KMT5C: variants seen among roughly 807,000 people sequenced by gnomAD.
KMT5C encodes lysine methyltransferase 5C.
In KMT5C, 16 loss-of-function variants were observed where a neutral mutation model predicts 38.2. The observed-to-expected ratio is 0.42, with a 90% CI of 0.28 to 0.64. The LOEUF (loss-of-function observed/expected upper bound fraction) is 0.64. Ranked by LOEUF, KMT5C falls within the 30% of genes least tolerant of loss-of-function variation. The probability of loss-of-function intolerance (pLI) is 0.23; values close to 1 mark genes in which losing one functional copy is unlikely to be tolerated. For missense variants in KMT5C, 598 were observed against 665.1 expected, an observed-to-expected ratio of 0.90 and a Z score of 1.11; for synonymous variants, 291 against 279.0, an observed-to-expected ratio of 1.04 and a Z score of -0.43.
chr19:55,342,013 A>G lies in KMT5C; in HGVS notation c.77A>G (p.Tyr26Cys). The G allele has an allele frequency of 6.2e-7, 1 of 1,613,554 alleles. No homozygotes were observed. Among genetic ancestry groups the G allele is most frequent in the Non-Finnish European group, 8.5e-7 (1 of 1,179,844 alleles). ...DLATSLVLDP[Y>C]LGFRTHKMNV... ...GCCACCAGCCTCGTCCTGGACCCCT[A>G]CCTCGGTTTCCGCACCCATAAGATG... Residue 26 changes from tyrosine to cysteine, a missense_variant, in exon 2 of 9, where the codon TAC (tyrosine) becomes TGC (cysteine). Transcript: ENST00000255613.
intron 6 of KMT5C, chr19:55,344,615 G>C: frequency 2.1e-6 from 1 of 477,128 alleles, no homozygotes; most frequent in South Asian, 1.5e-5. Context: ...AGGGAGGCAG[G>C]GCCCTGTGGT....
chr19:55,341,991 A>T lies in KMT5C; in HGVS notation c.55A>T (p.Thr19Ser). ...ACTGTGCGAGAACGACGACCTGGCC[A>T]CCAGCCTCGTCCTGGACCCCTACCT... Reference protein sequence around the residue: ...RELCENDDLATSLVLDPYLGF... With the variant: ...RELCENDDLASSLVLDPYLGF... The change falls in exon 2 of 9, where the codon ACC (threonine) becomes TCC (serine). Residue 19 changes from threonine (T) to serine (S), a missense_variant. By Grantham distance (58) the Thr-to-Ser change is moderately conservative. This residue lies in a region of KMT5C where 167 missense variants were observed against 187.8 expected (regional missense o/e 0.89). Transcript: ENST00000255613. The T allele has an allele frequency of 6.2e-7, 1 of 1,613,734 alleles. No homozygotes were observed. The highest frequency in any genetic ancestry group is 8.5e-7 in the Non-Finnish European group (1 of 1,179,964).
Position 55,347,599 on chromosome 19 carries a change from C to T in KMT5C, c.*150C>T, listed in dbSNP as rs542963439. On this transcript the variant is annotated 3_prime_UTR_variant, in exon 9 of 9. Coordinates refer to ENST00000255613, the MANE Select transcript of KMT5C (RefSeq NM_032701.4). The surrounding 1 kb of genome is among the most constrained non-coding windows in gnomAD (Gnocchi z 4.6). ...CCTGGAATGGGGTTGGTTTGGACAC[C>T]CCCAGGGATCTGAGCCCTGACCCTT... 3 of 1,293,020 alleles carry T rather than the reference C, an allele frequency of 2.3e-6. No homozygotes were observed. Among genetic ancestry groups the T allele is most frequent in the African/African-American group, 1.5e-5 (1 of 65,292 alleles). 80.1% of individuals were successfully genotyped at this position (1,293,020 alleles called of 1,614,324 possible). A position where few individuals can be genotyped will look rare whatever the true frequency, so the allele number is the denominator to read the frequency against.
rs768260344 is a variant in KMT5C, at chr19:55,342,723, C to CCACCCT, written c.277-8_277-3dup. 179 of 1,444,556 alleles carry CCACCCT rather than the reference C, an allele frequency of 1.2e-4. 1 individual carries two copies. The African/African-American group carries it at 2.3e-3, about 19-fold the overall frequency. The allele number at this position is 1,444,556 out of a possible 1,614,324, so 89.5% of individuals were successfully genotyped here. On this transcript the variant is annotated intron_variant, in intron 3 of 8. Coordinates refer to ENST00000255613, the MANE Select transcript of KMT5C (RefSeq NM_032701.4). ...ATGCCCCTGCCCCGCCTCCTCACCCCCACCCTCACCCTCACCAGGTCTATC... is the reference window on the plus strand; with the variant it reads ...ATGCCCCTGCCCCGCCTCCTCACCCCCACCCTCACCCTCACCCTCACCAGGTCTATC...
chr19:55,345,271 C>T, intron 6 of KMT5C: 1 of 355,862 alleles, frequency 2.8e-6, no homozygotes, highest in South Asian at 2.1e-5. Context: ...CACCAGAGGG[C>T]TGGGGGTGCC....
Position 55,346,500 on chromosome 19 carries a change from G to A in KMT5C, c.708G>A (p.Arg236=). ...ATCTCCCCTTCACCCGGTCTCCCAGGAAAGGTGAAGGAGCTTTCCGAACCA... is the reference window on the plus strand; with the variant it reads ...ATCTCCCCTTCACCCGGTCTCCCAGAAAAGGTGAAGGAGCTTTCCGAACCA... ...NEHCECHTCE[R]KGEGAFRTRP... is the part of the protein sequence containing the mutation. Residue 236 remains arginine, a splice_region_variant and synonymous_variant, in exon 8 of 9, where the codon AGG becomes AGA. Coordinates refer to ENST00000255613, the MANE Select transcript of KMT5C (RefSeq NM_032701.4). 2 of 1,593,054 alleles carry A rather than the reference G, an allele frequency of 1.3e-6. No individual in the cohort carries two copies. Among genetic ancestry groups the A allele is most frequent in the Middle Eastern group, 1.7e-4 (1 of 6,036 alleles).
chr19:55,347,495 A>G lies in KMT5C; in HGVS notation c.*46A>G. ...AGCAGGGAGAGAGGGTCTCTCTCCT[A>G]GCTGCTACCCAGGACCTCCAGAAGG... On this transcript the variant is annotated 3_prime_UTR_variant, in exon 9 of 9. Transcript: ENST00000255613. This position sits in a 1 kb window ranked among gnomAD's most constrained non-coding sequence, Gnocchi z 4.6. 2 of 1,498,854 alleles carry G rather than the reference A, an allele frequency of 1.3e-6. No individual in the cohort carries two copies. The highest frequency in any genetic ancestry group is 1.3e-5 in the South Asian group (1 of 74,076). The allele number at this position is 1,498,854 out of a possible 1,614,324, so 92.8% of individuals were successfully genotyped here. A position where few individuals can be genotyped will look rare whatever the true frequency, so the allele number is the denominator to read the frequency against.
Position 55,346,369 on chromosome 19 carries a change from G to A in KMT5C, c.707+20G>A, listed in dbSNP as rs772241728. The A allele has an allele frequency of 6.7e-5, 108 of 1,613,684 alleles. No homozygotes were observed. Among genetic ancestry groups the A allele is most frequent in the South Asian group, 2.2e-4 (20 of 91,084 alleles). On this transcript the variant is annotated intron_variant, in intron 7 of 8. Transcript: ENST00000255613. ...TGAGAGGTGGGACCGGGCGAGAGGC[G>A]GCTGGGTTCGGGTCGTCTGGGCTTC...
rs2089633841 is a variant in KMT5C, at chr19:55,347,344, C to G, written c.1284C>G (p.Ile428Met). 1.9e-6 allele frequency: 3 copies of G among 1,577,702 alleles called. No individual in the cohort carries two copies. Among genetic ancestry groups the G allele is most frequent in the South Asian group, 2.3e-5 (2 of 87,018 alleles). ...APAGTPGPIL[I>M]PKQALAFAPF... ...CTGGGACCCCAGGCCCCATCCTGAT[C>G]CCGAAGCAGGCCCTCGCCTTCGCCC... The change falls in exon 9 of 9, where the codon ATC becomes ATG. Residue 428 changes from isoleucine to methionine, a missense_variant. Around this residue, in one of 3 missense-constraint regions of KMT5C, gnomAD observed 326 missense variants for 298.1 expected, o/e 1.09. Transcript: ENST00000255613. The surrounding 1 kb of genome is among the most constrained non-coding windows in gnomAD (Gnocchi z 4.6).
chr19:55,341,914 G>A lies in KMT5C; in HGVS notation c.-23G>A. The stretch of plus-strand genomic sequence containing the variant: ...TCACCTGCTCCTGCTCTCTGCCAGA[G>A]GCAGCATGGTCCGCAGGGCACCATG... On this transcript the variant is annotated 5_prime_UTR_variant, in exon 2 of 9. Transcript: ENST00000255613. The A allele has an allele frequency of 5.0e-6, 8 of 1,598,886 alleles. No homozygotes were observed. Among genetic ancestry groups the A allele is most frequent in the Non-Finnish European group, 6.9e-6 (8 of 1,166,956 alleles).
chr19:55,347,646 C>A lies in KMT5C; in HGVS notation c.*197C>A. ...CCTTTGTGACTGCTGACCCCTGAGC[C>A]ACCCCCACTCCCACAGGGAGCCCCG... On this transcript the variant is annotated 3_prime_UTR_variant, in exon 9 of 9. Transcript: ENST00000255613. This position sits in a 1 kb window ranked among gnomAD's most constrained non-coding sequence, Gnocchi z 4.6. 1.2e-6 allele frequency: 1 copy of A among 857,270 alleles called. No homozygotes were observed. Among genetic ancestry groups the A allele is most frequent in the Non-Finnish European group, 1.6e-6 (1 of 608,610 alleles). 53.1% of individuals were successfully genotyped at this position (857,270 alleles called of 1,614,324 possible).
Position 55,343,618 on chromosome 19 carries a change from C to G in KMT5C, c.387-62C>G. 6.6e-7 allele frequency: 1 copy of G among 1,519,698 alleles called. No individual in the cohort carries two copies. Among genetic ancestry groups the G allele is most frequent in the Non-Finnish European group, 8.9e-7 (1 of 1,122,824 alleles). The allele number at this position is 1,519,698 out of a possible 1,614,324, so 94.1% of individuals were successfully genotyped here. On this transcript the variant is annotated intron_variant, in intron 4 of 8. Transcript: ENST00000255613. The surrounding 1 kb of genome is among the most constrained non-coding windows in gnomAD (Gnocchi z 5.5). ...GTGCCTCTGTGCCGGAGGCCCGAGT[C>G]CCCTGAACACCTGCAGGAGGCCAGG... is the stretch of plus-strand genomic sequence containing the variant.
intron 6 of KMT5C, among the ~76,000 whole-genome samples, chr19:55,345,780 C>G (rs2089609686): frequency 6.6e-6 from 1 of 152,146 alleles, no homozygotes. Context: ...GTGAGGCAGG[C>G]CTCAGAGAAG....
At chr19:55,340,978 T>TCCAC (rs2123186324) in intron 1 of KMT5C, among the ~76,000 whole-genome samples, 1 of 151,684 alleles carries the variant, frequency 6.6e-6, no homozygotes, top group East Asian at 2.0e-4. Flanking sequence ...CCCCGACCCC[T>TCCAC]CCACAGCCGT....
At position 55,346,672 on chromosome 19, in the gene KMT5C, C is replaced by T. The variant is rs780554220; in HGVS notation, c.880C>T (p.Arg294Trp). The change falls in exon 8 of 9, where the codon CGG becomes TGG. Residue 294 changes from arginine to tryptophan, a missense_variant. Arg to Trp is a moderately radical substitution (Grantham distance 101, BLOSUM62 -3). This residue lies in a region of KMT5C where 326 missense variants were observed against 298.1 expected (regional missense o/e 1.09). Coordinates refer to ENST00000255613, the MANE Select transcript of KMT5C (RefSeq NM_032701.4). ...CTGCGTGCACCCATCCCCGCTGCGC[C>T]GGGACCCATTCTGCGGTGAGCACCC... Reference protein sequence around the residue: ...RACVHPSPLRRDPFCAACQPL... With the variant: ...RACVHPSPLRWDPFCAACQPL... The T allele has an allele frequency of 7.0e-6, 11 of 1,568,170 alleles. No individual in the cohort carries two copies. Among genetic ancestry groups the T allele is most frequent in the Admixed American group, 1.9e-5 (1 of 52,966 alleles).
At chr19:55,340,648 C>T (rs933723147) in intron 1 of KMT5C, among the ~76,000 whole-genome samples, 3 of 151,912 alleles carry the variant, frequency 2.0e-5, no homozygotes, top group African/African-American at 4.8e-5. Flanking sequence ...TGTCCGCCCT[C>T]TCAGGCCCTT....
chr19:55,341,690 G>T (rs2089559006), intron 1 of KMT5C, 104 bp from the exon 2 acceptor site: 1 of 554,834 alleles, frequency 1.8e-6, no homozygotes, highest in East Asian at 3.1e-5. Context: ...TAAGGCGATG[G>T]CTGACATGGC....
rs1569023634 is a variant in KMT5C at position 55,347,764 on chromosome 19, A to G, written c.*315A>G. On this transcript the variant is annotated 3_prime_UTR_variant, in exon 9 of 9. Transcript: ENST00000255613. The surrounding 1 kb of genome is among the most constrained non-coding windows in gnomAD (Gnocchi z 4.6). ...CCCTTCCTCCCCAGGGAGCAAAGCC[A>G]TAAGGGGCAGGGGCCACCCCACGGC... 5.1e-6 allele frequency: 2 copies of G among 392,418 alleles called. No homozygotes were observed. Among genetic ancestry groups the G allele is most frequent in the Admixed American group, 8.6e-5 (2 of 23,240 alleles). 24.3% of individuals were successfully genotyped at this position (392,418 alleles called of 1,614,324 possible).
chr19:55,341,361 C>CG (rs1461844647), intron 1 of KMT5C, among the ~76,000 whole-genome samples: 1 of 143,486 alleles, frequency 7.0e-6, no homozygotes, highest in Non-Finnish European at 1.5e-5. Flanking sequence ...CGAAGGCTGC[C>CG]GGGGAGGCAG....
Sources: gnomAD v4.1 joint callset for allele counts (sites outside exome capture counted in the v4.1 genomes callset) on GRCh38, gnomAD v4.1.1 for gene constraint, gnomAD v4.1.1 regional missense constraint, Gnocchi (gnomAD v3.1) non-coding constraint, MANE v1.5 for transcripts, NCBI Gene and HGNC (gene_info 2026-07-23, HGNC 2026-07-21) for gene names.